MGAT4C: variants seen among roughly 807,000 people sequenced by gnomAD.
MGAT4C encodes the protein MGAT4 family member C.
MGAT4C carries 19 observed loss-of-function variants against 40.1 expected under a neutral mutation model. The ratio of observed to expected loss-of-function variants is 0.47; its 90% confidence interval spans 0.33 to 0.70. MGAT4C has a LOEUF of 0.70. Among genes scored for constraint, MGAT4C ranks in the 30% least tolerant of loss-of-function variants. MGAT4C has a pLI of 0.02. For synonymous variants in MGAT4C, 181 were observed against 187.1 expected, an observed-to-expected ratio of 0.97 and a Z score of 0.27; for missense variants, 491 against 563.2, an observed-to-expected ratio of 0.87 and a Z score of 1.30.
intron 1 of MGAT4C, among the ~76,000 whole-genome samples, chr12:86,248,123 G>C (rs1952111142): frequency 6.6e-6 from 1 of 151,958 alleles, no homozygotes; most frequent in Non-Finnish European, 1.5e-5. Flanking sequence ...ATACCTACAT[G>C]TCTTATTTGC....
At chr12:86,762,272 T>C (rs1951421061) in intron 1 of MGAT4C, among the ~76,000 whole-genome samples, 1 of 151,962 alleles carries the variant, frequency 6.6e-6, no homozygotes. Context: ...GCTTGTCTCA[T>C]ACTCCTGAAC....
chr12:86,464,241 C>T (rs1336656981), intron 2 of MGAT4C, among the ~76,000 whole-genome samples: 1 of 152,140 alleles, frequency 6.6e-6, no homozygotes, highest in African/African-American at 2.4e-5. Context: ...GAATGTCATA[C>T]AGGCTGCTGC....
At chr12:86,512,776 G>A (rs1024455264) in intron 2 of MGAT4C, among the ~76,000 whole-genome samples, 5 of 151,990 alleles carry the variant, frequency 3.3e-5, no homozygotes, top group African/African-American at 9.7e-5. Context: ...GAAGATAAGA[G>A]GGAGAGGAAT....
chr12:86,130,727 A>G (rs1881050696), intron 1 of MGAT4C, among the ~76,000 whole-genome samples: 1 of 152,000 alleles, frequency 6.6e-6, no homozygotes, highest in Non-Finnish European at 1.5e-5. Flanking sequence ...TTAAAAATTT[A>G]TGTTGGTATC....
intron 2 of MGAT4C, among the ~76,000 whole-genome samples, chr12:86,610,768 G>T (rs1052788165): frequency 6.4e-5 from 9 of 139,892 alleles, no homozygotes; most frequent in Non-Finnish European, 1.4e-4. Flanking sequence ...GCAGTCCCCG[G>T]TGTGTGATGT....
At chr12:86,600,807 C>T (rs1003719884) in intron 2 of MGAT4C, among the ~76,000 whole-genome samples, 2 of 152,328 alleles carry the variant, frequency 1.3e-5, no homozygotes, top group African/African-American at 4.8e-5. Flanking sequence ...AGCCGCCCAG[C>T]CATGGCTTTG....
intron 1 of MGAT4C, among the ~76,000 whole-genome samples, chr12:86,164,345 T>C (rs1385711764): frequency 6.6e-6 from 1 of 152,160 alleles, no homozygotes; most frequent in East Asian, 1.9e-4. Context: ...AAATTGAAAA[T>C]GAAATACTTT....
chr12:86,687,538 C>G (rs1950094670), intron 2 of MGAT4C, among the ~76,000 whole-genome samples: 1 of 152,132 alleles, frequency 6.6e-6, no homozygotes, highest in African/African-American at 2.4e-5. Flanking sequence ...TATGTTGTGT[C>G]TTTGTTCTCA....
chr12:86,603,701 ATCTATAG>A (rs1434380187), intron 2 of MGAT4C, among the ~76,000 whole-genome samples: 2 of 131,536 alleles, frequency 1.5e-5, no homozygotes, highest in African/African-American at 2.8e-5. Context: ...ACTATATATT[ATCTATAG>A]TCTATAGACT....
chr12:86,037,526 T>C (rs1249560419), intron 2 of MGAT4C, among the ~76,000 whole-genome samples: 1 of 150,350 alleles, frequency 6.7e-6, no homozygotes, highest in African/African-American at 2.4e-5. Context: ...CATCTTTATT[T>C]CTGCCTTCAT....
intron 1 of MGAT4C, among the ~76,000 whole-genome samples, chr12:86,220,317 A>G (rs1950832332): frequency 6.6e-6 from 1 of 152,206 alleles, no homozygotes; most frequent in African/African-American, 2.4e-5. Flanking sequence ...TTTCACGTAT[A>G]CATGGCAAGA....
At chr12:86,517,738 C>A (rs373968533) in intron 2 of MGAT4C, among the ~76,000 whole-genome samples, 2 of 152,146 alleles carry the variant, frequency 1.3e-5, no homozygotes, top group East Asian at 3.9e-4. Context: ...TTCCGCCTCC[C>A]GGGTTCACGC....
At chr12:86,704,077 A>C (rs934431136) in intron 2 of MGAT4C, among the ~76,000 whole-genome samples, 5 of 152,170 alleles carry the variant, frequency 3.3e-5, no homozygotes, top group African/African-American at 1.2e-4. Flanking sequence ...CAAGGAAATA[A>C]TCAAAATAAT....
At chr12:86,595,481 A>C (rs1961499842) in intron 2 of MGAT4C, among the ~76,000 whole-genome samples, 1 of 151,594 alleles carries the variant, frequency 6.6e-6, no homozygotes, top group African/African-American at 2.4e-5. Context: ...CAGTGAGCAG[A>C]GATTGTACCA....
chr12:86,294,842 T>A lies in MGAT4C; in HGVS notation c.-57+39223A>T, dbSNP rs915680624. Among the ~76,000 whole-genome samples, 9 of 152,326 alleles carry A rather than the reference T, an allele frequency of 5.9e-5. 1 individual carries two copies. The South Asian group carries it at 1.7e-3, about 28-fold the overall frequency. ...CTACTTCCAAGATTGCAAATTCACC[T>A]ACATTTGCTCCCACCATTTTCCCTT... On this transcript the variant is annotated intron_variant, in intron 4 of 7. Coordinates refer to the MGAT4C transcript ENST00000548651.
rs1054737687 is a variant in MGAT4C at position 85,957,599 on chromosome 12, C to T, written c.*21690G>A. 2 of 142,640 alleles carry T rather than the reference C, an allele frequency of 1.4e-5. No homozygotes were observed. The highest frequency in any genetic ancestry group is 3.0e-5 in the Non-Finnish European group (2 of 66,718). The allele number at this position is 142,640 out of a possible 1,614,324, so 8.8% of individuals were successfully genotyped here. A position where few individuals can be genotyped will look rare whatever the true frequency, so the allele number is the denominator to read the frequency against. On this transcript the variant is annotated 3_prime_UTR_variant, in exon 5 of 5. Coordinates refer to ENST00000611864, the MANE Select transcript of MGAT4C (RefSeq NM_001351288.2). ...TCCTTCTAGCTATGGCTGAAGATAG[C>T]TCTGTTATGTCAAATAAAACCACAG...
intron 4 of MGAT4C, among the ~76,000 whole-genome samples, chr12:86,290,130 T>A (rs1953470985): frequency 6.6e-6 from 1 of 151,930 alleles, no homozygotes; most frequent in African/African-American, 2.4e-5. Context: ...CACGGCAACC[T>A]CTGCCTCCCA....
At chr12:86,293,421 C>A (rs932267917) in intron 4 of MGAT4C, among the ~76,000 whole-genome samples, 1 of 151,926 alleles carries the variant, frequency 6.6e-6, no homozygotes, top group Non-Finnish European at 1.5e-5. Context: ...TTAGATATTT[C>A]TTTCTGTTTT....
At chr12:86,340,327 A>G (rs1954881803) in intron 3 of MGAT4C, among the ~76,000 whole-genome samples, 1 of 152,182 alleles carries the variant, frequency 6.6e-6, no homozygotes, top group South Asian at 2.1e-4. Flanking sequence ...TAAAATAACC[A>G]GGGAAATTAG....
Sources: allele counts gnomAD v4.1 joint callset (sites outside exome capture counted in the v4.1 genomes callset), GRCh38; gene constraint gnomAD v4.1.1; transcripts MANE v1.5; gene names NCBI Gene and HGNC (gene_info 2026-07-23, HGNC 2026-07-21).